The following KIAA1671 variants were observed in gnomAD, a reference collection of about 807,000 sequenced individuals.
KIAA1671 encodes KIAA1671, also known as uncharacterized protein KIAA1671.
KIAA1671 carries 52 observed loss-of-function variants against 131.2 expected under a neutral mutation model. That is an observed-to-expected ratio of 0.40 (90% CI 0.32 to 0.50). The LOEUF (loss-of-function observed/expected upper bound fraction) is 0.50. KIAA1671 is among the 20% of genes least tolerant of loss of function. KIAA1671 has a pLI of 0.73. For missense variants in KIAA1671, 2,360 were observed against 2,364.2 expected, an observed-to-expected ratio of 1.00 and a Z score of 0.04; for synonymous variants, 1,003 against 961.6, an observed-to-expected ratio of 1.04 and a Z score of -0.80.
intron 6 of KIAA1671, chr22:25,060,213 T>C (rs1212043475): frequency 6.6e-6 from 1 of 152,196 alleles, no homozygotes; most frequent in East Asian, 1.9e-4. Flanking sequence ...GATGGACTCT[T>C]GCTCTGTTGC....
intron 1 of KIAA1671, among the ~76,000 whole-genome samples, chr22:24,969,110 A>AG (rs1392033872): frequency 3.3e-5 from 5 of 152,096 alleles, no homozygotes; most frequent in African/African-American, 4.8e-5. Context: ...ATTGTTGCCT[A>AG]GGTTGGTCTT....
chr22:25,142,750 T>C (rs772395630), intron 6 of KIAA1671, among the ~76,000 whole-genome samples: 15 of 152,188 alleles, frequency 9.9e-5, no homozygotes, highest in Non-Finnish European at 1.9e-4. Flanking sequence ...CAGACTTCTG[T>C]AGTCGCTACT....
At chr22:25,021,977 G>A (rs1925696642) in intron 1 of KIAA1671, among the ~76,000 whole-genome samples, 2 of 151,920 alleles carry the variant, frequency 1.3e-5, no homozygotes, top group African/African-American at 2.4e-5. Flanking sequence ...TAGTAGAGAT[G>A]GGGTTTCACC....
chr22:25,132,423 A>G (rs530588575), intron 6 of KIAA1671, among the ~76,000 whole-genome samples: 22 of 152,320 alleles, frequency 1.4e-4, no homozygotes, highest in African/African-American at 5.1e-4. Flanking sequence ...CAGGCTGTGC[A>G]GTAAGAAAAA....
chr22:25,110,528 T>C (rs1161068081), intron 6 of KIAA1671, among the ~76,000 whole-genome samples: 1 of 152,186 alleles, frequency 6.6e-6, no homozygotes, highest in East Asian at 1.9e-4. Flanking sequence ...TGCATTTCCT[T>C]GTCTGTAAAA....
chr22:25,100,454 C>T (rs1930606036), intron 6 of KIAA1671, among the ~76,000 whole-genome samples: 1 of 152,154 alleles, frequency 6.6e-6, no homozygotes, highest in Non-Finnish European at 1.5e-5. Context: ...ATCTTCTGTA[C>T]CCCATAATCC....
chr22:25,028,581 C>T lies in KIAA1671; in HGVS notation c.582C>T (p.Pro194=), dbSNP rs201788906. The change falls in exon 3 of 13, where the codon CCC becomes CCT. Residue 194 remains proline, a synonymous_variant. Coordinates refer to ENST00000358431, the MANE Select transcript of KIAA1671 (RefSeq NM_001145206.2). The part of the protein sequence containing the change: ...LPTQKPAGTL[P]RSAPLSQDTK... ...CCCAGAAGCCTGCGGGGACCCTTCC[C>T]CGGTCAGCTCCCCTGTCTCAGGACA... 3.2e-3 allele frequency: 4,886 copies of T among 1,550,970 alleles called. 147 individuals are homozygous for T. In the East Asian group the frequency reaches 0.074, roughly 24 times the overall value.
At chr22:25,005,505 T>G (rs1924703717) in intron 1 of KIAA1671, among the ~76,000 whole-genome samples, 1 of 152,104 alleles carries the variant, frequency 6.6e-6, no homozygotes, top group Admixed American at 6.6e-5. Context: ...TCATGCAAAC[T>G]TGTTGCACTC....
chr22:24,955,802 G>T (rs1421748270), intron 1 of KIAA1671, among the ~76,000 whole-genome samples: 1 of 152,036 alleles, frequency 6.6e-6, no homozygotes, highest in Non-Finnish European at 1.5e-5. Context: ...AAGGCAGGAC[G>T]ATCACGAGGT....
At chr22:25,011,996 C>T (rs1057326125) in intron 1 of KIAA1671, 1 of 152,148 alleles carries the variant, frequency 6.6e-6, no homozygotes. Context: ...CCCATTTCCC[C>T]TTAAGTTCTT....
intron 6 of KIAA1671, among the ~76,000 whole-genome samples, chr22:25,116,395 GTATGTATGTATGTA>G (rs1931663153): frequency 8.8e-6 from 1 of 113,550 alleles, no homozygotes; most frequent in Non-Finnish European, 2.0e-5. Context: ...ATGTATGTAT[GTATGTATGTATGTA>G]TGTATGTATG....
At position 25,028,010 on chromosome 22, in the gene KIAA1671, G is replaced by A; in HGVS notation, c.11G>A (p.Arg4Gln). 4 of 1,485,818 alleles carry A rather than the reference G, an allele frequency of 2.7e-6. No individual in the cohort carries two copies. Among genetic ancestry groups the A allele is most frequent in the East Asian group, 2.5e-5 (1 of 40,114 alleles). The allele number at this position is 1,485,818 out of a possible 1,614,324, so 92.0% of individuals were successfully genotyped here. Residue 4 changes from arginine (R) to glutamine (Q), a missense_variant, in exon 3 of 13, where the codon CGG becomes CAG. Physicochemically the swap from Arg to Gln is conservative, Grantham distance 43 (BLOSUM62 1). This residue lies in a region of KIAA1671 where 1,185 missense variants were observed against 1,126.2 expected (regional missense o/e 1.05). Coordinates refer to ENST00000358431, the MANE Select transcript of KIAA1671 (RefSeq NM_001145206.2). MAT[R>Q]VEVGSITPLT... ...TCCACAACCATAACCATGGCCACGC[G>A]GGTCGAGGTGGGCTCCATAACGCCC... is the stretch of plus-strand genomic sequence containing the variant.
intron 2 of KIAA1671, 44 bp from the exon 3 acceptor site, chr22:25,027,897 CACTG>C (rs1426832500): frequency 3.0e-4 from 279 of 914,946 alleles, no homozygotes; most frequent in Non-Finnish European, 4.1e-4. Context: ...TCAACCCAGA[CACTG>C]ACTGTTTTCC....
intron 4 of KIAA1671, among the ~76,000 whole-genome samples, chr22:25,036,764 C>CA (rs1189601603): frequency 1.6e-4 from 23 of 147,508 alleles, no homozygotes; most frequent in East Asian, 5.9e-4. Flanking sequence ...ACTAAAAATA[C>CA]AAAAAAAAAA....
At chr22:25,055,789 GATAGATATAGATAGATATAGAT>G (rs1265440555) in intron 6 of KIAA1671, 1 of 111,692 alleles carries the variant, frequency 9.0e-6, no homozygotes, top group African/African-American at 3.6e-5. Context: ...CATATATATA[GATAGATATAGATAGATATAGAT>G]ATAGATATAG....
At chr22:24,983,565 A>G (rs1923341213) in intron 1 of KIAA1671, among the ~76,000 whole-genome samples, 1 of 149,924 alleles carries the variant, frequency 6.7e-6, no homozygotes, top group African/African-American at 2.5e-5. Context: ...ATTACACTGA[A>G]GAAGGGCCAT....
intron 6 of KIAA1671, among the ~76,000 whole-genome samples, chr22:25,068,680 C>G (rs1043223730): frequency 3.9e-5 from 6 of 152,206 alleles, no homozygotes; most frequent in Non-Finnish European, 8.8e-5. Flanking sequence ...TCATGATCTG[C>G]CCACCTTGGC....
chr22:25,093,790 C>CTCTT (rs1568951304), intron 6 of KIAA1671, among the ~76,000 whole-genome samples: 4 of 130,502 alleles, frequency 3.1e-5, no homozygotes, highest in African/African-American at 8.6e-5. Flanking sequence ...CTCTCTCTCT[C>CTCTT]TCTCTCTCTC....
rs149903303 is a variant in KIAA1671 at position 25,083,963 on chromosome 22, G to A, written c.4530+34599G>A. On this transcript the variant is annotated intron_variant, in intron 6 of 12. Transcript: ENST00000358431. ...GAGCAGCCTGGGCCCAGTGAAAGCC[G>A]CCTTTGTCCTCCAGTTCATTCCTCC... 7.4e-4 allele frequency among the ~76,000 whole-genome samples: 113 copies of A among 152,328 alleles called. 2 individuals are homozygous for A. The highest frequency in any genetic ancestry group is 2.5e-3 in the African/African-American group (104 of 41,578).
Sources: allele counts gnomAD v4.1 joint callset (sites outside exome capture counted in the v4.1 genomes callset), GRCh38; gene constraint gnomAD v4.1.1; regional missense constraint gnomAD v4.1.1; transcripts MANE v1.5; gene names NCBI Gene and HGNC (gene_info 2026-07-23, HGNC 2026-07-21).